CAB39: variants seen among roughly 807,000 people sequenced by gnomAD.
CAB39 encodes calcium-binding protein 39.
Under a neutral mutation model 40.0 loss-of-function variants are expected in CAB39, and 8 were observed. The ratio of observed to expected loss-of-function variants is 0.20; its 90% CI spans 0.12 to 0.36. The LOEUF (loss-of-function observed/expected upper bound fraction) is 0.36. Among genes scored for constraint, CAB39 ranks in the 10% least tolerant of loss-of-function variants. The pLI is 1.00. For synonymous variants in CAB39, 156 were observed against 141.6 expected (o/e 1.10, Z -0.72); for missense variants, 270 against 401.1 (o/e 0.67, Z 2.79).
chr2:230,733,017 T>A (rs775855252), intron 1 of CAB39, among the ~76,000 whole-genome samples: 1 of 152,354 alleles, frequency 6.6e-6, no homozygotes, highest in Non-Finnish European at 1.5e-5. Flanking sequence ...CAAATATTTA[T>A]GTGCAGGTTA....
At chr2:230,758,637 G>A (rs1695236819) in intron 1 of CAB39, among the ~76,000 whole-genome samples, 1 of 152,194 alleles carries the variant, frequency 6.6e-6, no homozygotes, top group African/African-American at 2.4e-5. Flanking sequence ...CTCAAAAGAA[G>A]TGTTATGATA....
chr2:230,796,524 T>C (rs1293547011), intron 4 of CAB39, among the ~76,000 whole-genome samples: 9 of 152,178 alleles, frequency 5.9e-5, no homozygotes, highest in Non-Finnish European at 7.3e-5. Context: ...CCCTTGTCTT[T>C]CCTGCCTTCT....
chr2:230,795,484 A>T (rs1038254208), intron 4 of CAB39, among the ~76,000 whole-genome samples: 18 of 152,130 alleles, frequency 1.2e-4, no homozygotes, highest in African/African-American at 4.3e-4. Flanking sequence ...TAACTGGTAG[A>T]TAGTTAGATC....
At chr2:230,748,912 T>TCTC (rs1226673942) in intron 1 of CAB39, among the ~76,000 whole-genome samples, 1 of 135,688 alleles carries the variant, frequency 7.4e-6, no homozygotes, top group African/African-American at 2.6e-5. Context: ...TAGCTATGAA[T>TCTC]CTCCTATAAA....
chr2:230,810,723 G>A (rs1282260106), intron 6 of CAB39, among the ~76,000 whole-genome samples: 3 of 152,230 alleles, frequency 2.0e-5, no homozygotes, highest in Non-Finnish European at 2.9e-5. Flanking sequence ...CAGAGGGGAC[G>A]GGAGCCCGGC....
At position 230,760,151 on chromosome 2, in the gene CAB39, TA is replaced by T. The variant is rs774679277; in HGVS notation, c.114+38del. The T allele has an allele frequency of 3.0e-6, 4 of 1,318,266 alleles. No individual in the cohort carries two copies. The South Asian group carries it at 3.6e-5, about 12-fold the overall frequency. The allele number at this position is 1,318,266 out of a possible 1,614,324, so 81.7% of individuals were successfully genotyped here. ...GGCTTTATTTATATTTGAAATATCT[TA>T]ATTAGCAAATGCAAGACACCTTATA... On this transcript the variant is annotated intron_variant, in intron 2 of 8. Coordinates refer to ENST00000258418, the MANE Select transcript of CAB39 (RefSeq NM_016289.4).
At chr2:230,790,844 T>G (rs1344764834) in intron 2 of CAB39, 28 bp from the exon 3 acceptor site, 2 of 1,573,710 alleles carry the variant, frequency 1.3e-6, no homozygotes, top group Admixed American at 4.0e-5. Context: ...TTTTTTCTCC[T>G]CTTCCCAACT....
chr2:230,724,864 G>C (rs1319072442), intron 1 of CAB39, among the ~76,000 whole-genome samples: 1 of 150,646 alleles, frequency 6.6e-6, no homozygotes, highest in Non-Finnish European at 1.5e-5. Flanking sequence ...GATTGAAAGT[G>C]AGGGTGGGGG....
In CAB39 at chr2:230,802,714, G is replaced by A. The variant is rs564859278; in HGVS notation, c.567+3817G>A. Among the ~76,000 whole-genome samples the A allele has an allele frequency of 3.3e-5, 5 of 152,314 alleles. No individual in the cohort carries two copies. The South Asian group carries it at 1.0e-3, about 32-fold the overall frequency. On this transcript the variant is annotated intron_variant, in intron 5 of 8. Transcript: ENST00000258418. ...CTTCCCAAGACTAAACCAGGAAGAA[G>A]TTGAATCGCTGAATAGACCAATAAC...
chr2:230,725,954 C>A (rs1482548982), intron 1 of CAB39, among the ~76,000 whole-genome samples: 1 of 152,158 alleles, frequency 6.6e-6, no homozygotes. Context: ...GTGTTGATTT[C>A]TAGAAGCTAC....
chr2:230,755,062 TAC>T (rs572391133), intron 1 of CAB39, among the ~76,000 whole-genome samples: 32 of 151,544 alleles, frequency 2.1e-4, no homozygotes, highest in African/African-American at 6.0e-4. Context: ...TATACATACA[TAC>T]ACACACACAC....
intron 1 of CAB39, among the ~76,000 whole-genome samples, chr2:230,717,119 T>C (rs1419081947): frequency 6.6e-6 from 1 of 152,190 alleles, no homozygotes; most frequent in East Asian, 1.9e-4. Flanking sequence ...GAAATGGGAC[T>C]GTGGAAGGTG....
intron 1 of CAB39, among the ~76,000 whole-genome samples, chr2:230,742,558 C>CAAA (rs112074993): frequency 3.3e-5 from 2 of 60,402 alleles, no homozygotes; most frequent in African/African-American, 5.5e-5. Context: ...AACATATTTG[C>CAAA]AAAAAAAAAA....
chr2:230,797,741 C>T (rs570452018), intron 4 of CAB39, among the ~76,000 whole-genome samples: 1 of 151,434 alleles, frequency 6.6e-6, no homozygotes, highest in Non-Finnish European at 1.5e-5. Context: ...CTCAGCCAGG[C>T]AAGAAATGGG....
intron 2 of CAB39, among the ~76,000 whole-genome samples, chr2:230,760,921 C>G (rs1695279050): frequency 6.6e-6 from 1 of 152,208 alleles, no homozygotes; most frequent in African/African-American, 2.4e-5. Context: ...CTAAAAATCT[C>G]TGCTTTACAT....
intron 2 of CAB39, among the ~76,000 whole-genome samples, chr2:230,772,037 C>T (rs1198128688): frequency 6.6e-6 from 1 of 151,918 alleles, no homozygotes; most frequent in African/African-American, 2.4e-5. Context: ...GGATGTTATG[C>T]AAAAAGCACA....
At chr2:230,765,018 C>T (rs574862455) in intron 2 of CAB39, among the ~76,000 whole-genome samples, 23 of 152,240 alleles carry the variant, frequency 1.5e-4, no homozygotes, top group Non-Finnish European at 5.9e-5. Flanking sequence ...GACGGAGTCT[C>T]GCTCTGTCGC....
intron 2 of CAB39, among the ~76,000 whole-genome samples, chr2:230,772,081 T>C (rs1280112838): frequency 6.6e-6 from 1 of 152,150 alleles, no homozygotes; most frequent in African/African-American, 2.4e-5. Flanking sequence ...ATGGAATTCA[T>C]AAAAATTAAA....
intron 6 of CAB39, among the ~76,000 whole-genome samples, chr2:230,813,296 A>G (rs531914126): frequency 6.6e-6 from 1 of 152,294 alleles, no homozygotes; most frequent in East Asian, 1.9e-4. Context: ...TTCACCATCC[A>G]GCAGTGCCAC....
Sources: gnomAD v4.1 joint callset for allele counts (sites outside exome capture counted in the v4.1 genomes callset) on GRCh38, gnomAD v4.1.1 for gene constraint, MANE v1.5 for transcripts, NCBI Gene and HGNC (gene_info 2026-07-23, HGNC 2026-07-21) for gene names.